The following DHX9 variants were observed in gnomAD, a reference collection of about 807,000 sequenced individuals.
The protein encoded by DHX9 is ATP-dependent RNA helicase A.
In DHX9, 27 loss-of-function variants were observed where a neutral mutation model predicts 148.7. That is an observed-to-expected ratio of 0.18 (90% confidence interval 0.13 to 0.25). The LOEUF is 0.25. DHX9 is among the 10% of genes least tolerant of loss of function. The pLI is 1.00. For synonymous variants in DHX9, 529 were observed against 516.6 expected, an observed-to-expected ratio of 1.02 and a Z score of -0.33; for missense variants, 796 against 1,559.6, an observed-to-expected ratio of 0.51 and a Z score of 8.25.
At chr1:182,879,886 C>T (rs552660617) in intron 21 of DHX9, among the ~76,000 whole-genome samples, 2 of 152,106 alleles carry the variant, frequency 1.3e-5, no homozygotes, top group East Asian at 3.9e-4. Context: ...CCACCACACC[C>T]GGCTAATTTT....
chr1:182,866,758 C>T (rs955313815), intron 13 of DHX9, among the ~76,000 whole-genome samples, 173 bp downstream of exon 13: 4 of 152,044 alleles, frequency 2.6e-5, no homozygotes, highest in Admixed American at 6.6e-5. Context: ...CCCATTAGAT[C>T]TTGTAGCTTA....
chr1:182,849,886 CAA>C (rs1342331202), intron 3 of DHX9, among the ~76,000 whole-genome samples: 8 of 151,270 alleles, frequency 5.3e-5, no homozygotes, highest in Admixed American at 4.0e-4. Context: ...TGATGTGTCA[CAA>C]ATATTTTTTC....
intron 17 of DHX9, 39 bp downstream of exon 17, chr1:182,876,302 A>G (rs1648758286): frequency 6.2e-7 from 1 of 1,605,242 alleles, no homozygotes; most frequent in African/African-American, 1.3e-5. Context: ...GAGAGTGAAA[A>G]TGAATGTTTT....
intron 3 of DHX9, among the ~76,000 whole-genome samples, chr1:182,843,713 G>A (rs184188346): frequency 1.3e-5 from 2 of 152,198 alleles, no homozygotes; most frequent in African/African-American, 4.8e-5. Flanking sequence ...TTCAGAGTCT[G>A]TTATGTTCCA....
chr1:182,849,372 A>C (rs1432962844), intron 3 of DHX9, among the ~76,000 whole-genome samples: 3 of 152,216 alleles, frequency 2.0e-5, no homozygotes, highest in Non-Finnish European at 4.4e-5. Flanking sequence ...TTCATCTGTT[A>C]ATATTTCAGT....
chr1:182,848,586 C>T (rs1478952335), intron 3 of DHX9, among the ~76,000 whole-genome samples: 1 of 151,992 alleles, frequency 6.6e-6, no homozygotes, highest in South Asian at 2.1e-4. Context: ...TTTTGGTTGA[C>T]TGAGTAAATG....
At chr1:182,840,528 G>A (rs1025025607) in intron 1 of DHX9, among the ~76,000 whole-genome samples, 7 of 152,008 alleles carry the variant, frequency 4.6e-5, no homozygotes, top group Non-Finnish European at 8.8e-5. Flanking sequence ...TCGATCTCTC[G>A]ACCTCGTGAT....
chr1:182,859,399 A>G (rs1284910294), intron 11 of DHX9, among the ~76,000 whole-genome samples: 1 of 152,218 alleles, frequency 6.6e-6, no homozygotes, highest in Non-Finnish European at 1.5e-5. Context: ...TCCAAATAAA[A>G]AATTAAAATG....
intron 22 of DHX9, 101 bp from the exon 23 acceptor site, chr1:182,881,163 C>T: frequency 8.5e-7 from 1 of 1,170,036 alleles, no homozygotes; most frequent in Non-Finnish European, 1.2e-6. Flanking sequence ...AAAGTAGAAT[C>T]ATAGCCATAA....
At chr1:182,843,506 CAA>C (rs997026918) in intron 3 of DHX9, 72 bp downstream of exon 3, 66 of 1,312,282 alleles carry the variant, frequency 5.0e-5, no homozygotes, top group Non-Finnish European at 6.3e-5. Flanking sequence ...GTAAGAGACT[CAA>C]GATAGTAATT....
intron 27 of DHX9, among the ~76,000 whole-genome samples, chr1:182,885,806 C>T (rs891246664): frequency 6.6e-5 from 10 of 152,048 alleles, no homozygotes; most frequent in African/African-American, 2.4e-4. Context: ...TGTGGCCCTC[C>T]TAGGTGGTTA....
intron 19 of DHX9, 48 bp downstream of exon 19, chr1:182,876,951 A>AAG: frequency 3.6e-6 from 5 of 1,387,742 alleles, no homozygotes; most frequent in Non-Finnish European, 5.1e-6. Context: ...TACTAACTGG[A>AAG]AACTTCTTAC....
At chr1:182,848,185 C>T (rs1306150808) in intron 3 of DHX9, among the ~76,000 whole-genome samples, 1 of 152,236 alleles carries the variant, frequency 6.6e-6, no homozygotes, top group Non-Finnish European at 1.5e-5. Flanking sequence ...CAGGTTACTT[C>T]CTAAACTCCT....
At chr1:182,844,449 C>A (rs765036942) in intron 3 of DHX9, among the ~76,000 whole-genome samples, 2 of 152,218 alleles carry the variant, frequency 1.3e-5, no homozygotes, top group Non-Finnish European at 2.9e-5. Flanking sequence ...TCAAGCCATC[C>A]TCCCACTTCA....
chr1:182,850,798 C>G (rs1335350494), intron 3 of DHX9, among the ~76,000 whole-genome samples: 1 of 152,132 alleles, frequency 6.6e-6, no homozygotes, highest in Non-Finnish European at 1.5e-5. Context: ...GCTGACTCTT[C>G]CTTAGGCAGA....
intron 3 of DHX9, among the ~76,000 whole-genome samples, chr1:182,846,125 T>C (rs1668024539): frequency 6.6e-6 from 1 of 152,116 alleles, no homozygotes; most frequent in African/African-American, 2.4e-5. Flanking sequence ...TGAAGCTACC[T>C]AGGGCCTGCC....
In DHX9 at chr1:182,858,447, A is replaced by C. The variant is rs181462510; in HGVS notation, c.811-104A>C. The C allele has an allele frequency of 9.5e-6, 11 of 1,153,874 alleles. No homozygotes were observed. The Admixed American group carries it at 2.5e-4, about 26-fold the overall frequency. 71.5% of individuals were successfully genotyped at this position (1,153,874 alleles called of 1,614,324 possible). A position where few individuals can be genotyped will look rare whatever the true frequency, so the allele number is the denominator to read the frequency against. Reference sequence around the variant, plus strand: ...GTAATTCTCTCACAAAAGGGAACTGACTATTGGTTTAGGAATATTGTAGAC... The same window carrying C: ...GTAATTCTCTCACAAAAGGGAACTGCCTATTGGTTTAGGAATATTGTAGAC... On this transcript the variant is annotated intron_variant, in intron 8 of 27. Coordinates refer to ENST00000367549, the MANE Select transcript of DHX9 (RefSeq NM_001357.5).
At chr1:182,853,911 CTA>C in intron 5 of DHX9, 117 bp from the exon 6 acceptor site, 1 of 884,650 alleles carries the variant, frequency 1.1e-6, no homozygotes, top group Non-Finnish European at 1.7e-6. Flanking sequence ...GGATTATAAA[CTA>C]TCAAAAACAG....
At chr1:182,871,570 T>C (rs1298504586) in intron 14 of DHX9, among the ~76,000 whole-genome samples, 4 of 152,236 alleles carry the variant, frequency 2.6e-5, no homozygotes, top group African/African-American at 9.6e-5. Flanking sequence ...TGTTTAGACT[T>C]GAACAAGAAT....
Sources: gnomAD v4.1 joint callset for allele counts (sites outside exome capture counted in the v4.1 genomes callset) on GRCh38, gnomAD v4.1.1 for gene constraint, MANE v1.5 for transcripts, NCBI Gene and HGNC (gene_info 2026-07-23, HGNC 2026-07-21) for gene names.